The following PTPRR variants were observed in gnomAD, a reference collection of about 807,000 sequenced individuals.
PTPRR encodes the protein receptor-type tyrosine-protein phosphatase R.
In PTPRR, 38 loss-of-function variants were observed where a neutral mutation model predicts 77.2. That is an observed-to-expected ratio of 0.49 (90% CI 0.38 to 0.65). PTPRR has a LOEUF of 0.65. Among genes scored for constraint, PTPRR ranks in the 30% least tolerant of loss-of-function variants. The probability of loss-of-function intolerance (pLI) is 0.00; values close to 1 mark genes in which losing one functional copy is unlikely to be tolerated. For missense variants in PTPRR, 744 were observed against 799.2 expected (o/e 0.93, Z 0.83); for synonymous variants, 299 against 283.1 (o/e 1.06, Z -0.57).
intron 2 of PTPRR, among the ~76,000 whole-genome samples, chr12:70,791,645 T>C (rs1015262197): frequency 2.0e-5 from 3 of 152,178 alleles, no homozygotes; most frequent in African/African-American, 2.4e-5. Context: ...TCAATAAATA[T>C]CTTTTGGATG....
intron 6 of PTPRR, among the ~76,000 whole-genome samples, chr12:70,704,150 G>A (rs903858084): frequency 6.6e-6 from 1 of 152,050 alleles, no homozygotes; most frequent in Non-Finnish European, 1.5e-5. Context: ...GTCCAGGGAT[G>A]TTGGCTGACA....
At chr12:70,700,421 A>G (rs1888378172) in intron 7 of PTPRR, among the ~76,000 whole-genome samples, 1 of 152,190 alleles carries the variant, frequency 6.6e-6, no homozygotes, top group African/African-American at 2.4e-5. Context: ...TGAATTCATC[A>G]TTCTTTTTAG....
rs375610394 is a variant in PTPRR at position 70,790,267 on chromosome 12, C to T, written c.358-25489G>A. ...ATAACGCTTTCCACCTCCCATTCTC[C>T]CTGTATCAGCTCCTGTTAAACTAAA... On this transcript the variant is annotated intron_variant, in intron 2 of 13. Coordinates refer to ENST00000283228, the MANE Select transcript of PTPRR (RefSeq NM_002849.4). Among the ~76,000 whole-genome samples, 57 of 152,244 alleles carry T rather than the reference C, an allele frequency of 3.7e-4. 3 individuals are homozygous for T. The South Asian group carries it at 0.012, about 31-fold the overall frequency.
At chr12:70,751,219 G>A (rs1890385301) in intron 5 of PTPRR, among the ~76,000 whole-genome samples, 1 of 152,084 alleles carries the variant, frequency 6.6e-6, no homozygotes, top group South Asian at 2.1e-4. Flanking sequence ...AAATAACCTA[G>A]GAGTCATCCT....
At chr12:70,682,761 T>C (rs1473118096) in intron 10 of PTPRR, among the ~76,000 whole-genome samples, 2 of 152,210 alleles carry the variant, frequency 1.3e-5, no homozygotes, top group Non-Finnish European at 2.9e-5. Flanking sequence ...TGGCTTAATA[T>C]GTTGATAGAT....
chr12:70,724,771 G>GTA (rs893996334), intron 6 of PTPRR, among the ~76,000 whole-genome samples: 1 of 151,900 alleles, frequency 6.6e-6, no homozygotes, highest in African/African-American at 2.4e-5. Flanking sequence ...TGTAGTGTGT[G>GTA]TATATATATG....
chr12:70,674,522 T>C (rs909905843), intron 10 of PTPRR, among the ~76,000 whole-genome samples: 4 of 152,102 alleles, frequency 2.6e-5, no homozygotes, highest in Admixed American at 6.6e-5. Flanking sequence ...GTGTTAAAAC[T>C]TTTTTTAAGC....
chr12:70,874,898 G>A (rs1407451964), intron 2 of PTPRR, among the ~76,000 whole-genome samples: 1 of 127,718 alleles, frequency 7.8e-6, no homozygotes, highest in African/African-American at 3.1e-5. Flanking sequence ...CTCCAGCCCA[G>A]TGACAGAGTG....
rs139147125 is a variant in PTPRR at position 70,693,079 on chromosome 12, C to T, written c.1279+5186G>A. ...GAAATCTTTCATGCCTTTCAGTATC[C>T]ACTGATTGTTAGAAGTTTCCATAAA... On this transcript the variant is annotated intron_variant, in intron 8 of 13. Transcript: ENST00000283228. Among the ~76,000 whole-genome samples the T allele has an allele frequency of 4.0e-3, 607 of 152,140 alleles. 4 individuals are homozygous for T. Among genetic ancestry groups the T allele is most frequent in the African/African-American group, 0.013 (549 of 41,496 alleles).
At chr12:70,741,425 G>A (rs1890042048) in intron 6 of PTPRR, among the ~76,000 whole-genome samples, 1 of 152,178 alleles carries the variant, frequency 6.6e-6, no homozygotes, top group South Asian at 2.1e-4. Flanking sequence ...AGGAGGCAGA[G>A]GGAGCCTCAA....
chr12:70,639,433 T>C, intron 13 of PTPRR, 156 bp from the exon 14 acceptor site: 1 of 1,378,524 alleles, frequency 7.3e-7, no homozygotes, highest in South Asian at 1.5e-5. Flanking sequence ...TGTCCAAATG[T>C]CTCAACTATC....
intron 3 of PTPRR, among the ~76,000 whole-genome samples, chr12:70,764,443 C>T (rs1367904828): frequency 6.6e-6 from 1 of 152,112 alleles, no homozygotes; most frequent in Non-Finnish European, 1.5e-5. Context: ...GCTTCATGAG[C>T]CAATCTTTTG....
chr12:70,753,987 T>G (rs952383059), intron 5 of PTPRR, among the ~76,000 whole-genome samples: 5 of 152,212 alleles, frequency 3.3e-5, no homozygotes, highest in Non-Finnish European at 7.3e-5. Flanking sequence ...ATTACAGCCT[T>G]ATTATTCAGG....
At chr12:70,895,179 G>C (rs571976645) in intron 1 of PTPRR, among the ~76,000 whole-genome samples, 1 of 151,662 alleles carries the variant, frequency 6.6e-6, no homozygotes, top group South Asian at 2.1e-4. Context: ...GTAAAAACTA[G>C]CAATTCCTCT....
intron 6 of PTPRR, among the ~76,000 whole-genome samples, chr12:70,715,992 T>C (rs1004752488): frequency 1.3e-5 from 2 of 152,186 alleles, no homozygotes; most frequent in South Asian, 2.1e-4. Context: ...TGTTTAGAGA[T>C]TGCAGTAAAG....
chr12:70,668,793 C>A (rs962267272), intron 10 of PTPRR, among the ~76,000 whole-genome samples: 2 of 152,016 alleles, frequency 1.3e-5, no homozygotes, highest in Non-Finnish European at 2.9e-5. Flanking sequence ...TACATACCCA[C>A]AAAATTAAAA....
intron 2 of PTPRR, among the ~76,000 whole-genome samples, chr12:70,800,101 G>T (rs556910048): frequency 6.6e-6 from 1 of 152,064 alleles, no homozygotes; most frequent in Non-Finnish European, 1.5e-5. Context: ...ATGAATGTGG[G>T]CACATACATT....
intron 2 of PTPRR, among the ~76,000 whole-genome samples, chr12:70,886,142 T>C (rs1449100648): frequency 6.6e-6 from 1 of 152,168 alleles, no homozygotes; most frequent in Non-Finnish European, 1.5e-5. Flanking sequence ...TCCAGCATCG[T>C]CCTTGCTGCT....
chr12:70,886,400 A>G lies in PTPRR; in HGVS notation c.357+6279T>C, dbSNP rs1893240475. On this transcript the variant is annotated intron_variant, in intron 2 of 13. Coordinates refer to ENST00000283228, the MANE Select transcript of PTPRR (RefSeq NM_002849.4). ...TTAAGAGCAGAACAAAAGTTCAACCAAACTTCTGGAGTAGATCATTGAATT... is the reference window on the plus strand; with the variant it reads ...TTAAGAGCAGAACAAAAGTTCAACCGAACTTCTGGAGTAGATCATTGAATT... 1.3e-5 allele frequency among the ~76,000 whole-genome samples: 2 copies of G among 152,236 alleles called. 1 individual carries two copies. The highest frequency in any genetic ancestry group is 1.3e-4 in the Admixed American group (2 of 15,286).
Sources: gnomAD v4.1 joint callset for allele counts (sites outside exome capture counted in the v4.1 genomes callset) on GRCh38, gnomAD v4.1.1 for gene constraint, MANE v1.5 for transcripts, NCBI Gene and HGNC (gene_info 2026-07-23, HGNC 2026-07-21) for gene names.